Variants in DYNC1I1 observed in about 807,000 individuals in gnomAD.
DYNC1I1 encodes the protein cytoplasmic dynein 1 intermediate chain 1.
DYNC1I1 carries 43 observed loss-of-function variants against 86.6 expected under a neutral mutation model. That is an observed-to-expected ratio of 0.50 (90% confidence interval 0.39 to 0.64). The LOEUF is 0.64. Ranked by LOEUF, DYNC1I1 falls within the 30% of genes least tolerant of loss-of-function variation. DYNC1I1 has a pLI of 0.00. For synonymous variants in DYNC1I1, 262 were observed against 283.7 expected, an observed-to-expected ratio of 0.92 and a Z score of 0.77; for missense variants, 604 against 788.8, an observed-to-expected ratio of 0.77 and a Z score of 2.81.
chr7:95,973,715 T>C (rs1413702328), intron 6 of DYNC1I1, among the ~76,000 whole-genome samples: 4 of 152,294 alleles, frequency 2.6e-5, no homozygotes, highest in East Asian at 3.9e-4. Flanking sequence ...CGTAGTGGCA[T>C]TTTTGGTCAT....
At chr7:95,841,645 G>T (rs1214506832) in intron 5 of DYNC1I1, among the ~76,000 whole-genome samples, 2 of 152,142 alleles carry the variant, frequency 1.3e-5, no homozygotes, top group Admixed American at 6.5e-5. Context: ...AGAAGCTAAA[G>T]GTTTAGTTTC....
At chr7:95,948,624 T>A (rs950743471) in intron 6 of DYNC1I1, among the ~76,000 whole-genome samples, 1 of 152,142 alleles carries the variant, frequency 6.6e-6, no homozygotes, top group African/African-American at 2.4e-5. Flanking sequence ...TAGGTAGAAA[T>A]AATATCAAAG....
At chr7:95,978,563 G>A (rs967256637) in intron 7 of DYNC1I1, among the ~76,000 whole-genome samples, 9 of 152,192 alleles carry the variant, frequency 5.9e-5, no homozygotes, top group African/African-American at 2.2e-4. Context: ...ATTTCCTAAT[G>A]AGTGTCCCAA....
At chr7:95,889,122 A>G (rs188290091) in intron 6 of DYNC1I1, among the ~76,000 whole-genome samples, 3 of 152,330 alleles carry the variant, frequency 2.0e-5, no homozygotes, top group Admixed American at 2.0e-4. Context: ...AGTTAGCAGT[A>G]TATATATTCA....
intron 10 of DYNC1I1, among the ~76,000 whole-genome samples, chr7:96,014,960 G>C (rs1794366746): frequency 6.6e-6 from 1 of 151,946 alleles, no homozygotes; most frequent in Admixed American, 6.6e-5. Context: ...ATTATTCCTG[G>C]CTCCACAGGA....
intron 10 of DYNC1I1, among the ~76,000 whole-genome samples, chr7:96,027,501 A>G (rs1441350012): frequency 6.6e-6 from 1 of 152,168 alleles, no homozygotes; most frequent in African/African-American, 2.4e-5. Flanking sequence ...ACCATGGCAG[A>G]GCTGGACTGA....
intron 6 of DYNC1I1, among the ~76,000 whole-genome samples, chr7:95,936,607 A>G (rs551548680): frequency 6.6e-6 from 1 of 152,160 alleles, no homozygotes; most frequent in South Asian, 2.1e-4. Context: ...GAGTACTGTA[A>G]TTAGTACATT....
intron 16 of DYNC1I1, among the ~76,000 whole-genome samples, chr7:96,091,343 C>T (rs1176485495): frequency 6.6e-6 from 1 of 152,130 alleles, no homozygotes; most frequent in East Asian, 1.9e-4. Flanking sequence ...TGTCGTGTAT[C>T]TCTTGGAAAT....
intron 6 of DYNC1I1, among the ~76,000 whole-genome samples, chr7:95,942,295 A>G (rs984885677): frequency 6.6e-6 from 1 of 152,224 alleles, no homozygotes; most frequent in African/African-American, 2.4e-5. Context: ...GTTCCTCGAC[A>G]CATACAGCCT....
chr7:95,909,595 G>A (rs1040082555), intron 6 of DYNC1I1, among the ~76,000 whole-genome samples: 1 of 152,148 alleles, frequency 6.6e-6, no homozygotes, highest in African/African-American at 2.4e-5. Context: ...TGAGGGTGAA[G>A]CTGGAGTGAC....
intron 5 of DYNC1I1, among the ~76,000 whole-genome samples, chr7:95,829,687 GT>G (rs1795279419): frequency 6.6e-6 from 1 of 152,100 alleles, no homozygotes; most frequent in African/African-American, 2.4e-5. Flanking sequence ...AAAAACTCAT[GT>G]TGACTATGCA....
At chr7:95,869,789 T>G in intron 5 of DYNC1I1, 94 bp from the exon 6 acceptor site, 2 of 1,173,708 alleles carry the variant, frequency 1.7e-6, no homozygotes, top group Non-Finnish European at 2.5e-6. Flanking sequence ...AGGGTATTTG[T>G]GGTTTGTTTG....
intron 6 of DYNC1I1, among the ~76,000 whole-genome samples, chr7:95,891,881 G>A (rs1363568738): frequency 6.6e-6 from 1 of 152,116 alleles, no homozygotes. Context: ...TTCAGTGGGT[G>A]ACCCCCAATT....
intron 9 of DYNC1I1, among the ~76,000 whole-genome samples, chr7:95,994,970 A>T (rs1793822509): frequency 6.6e-6 from 1 of 152,130 alleles, no homozygotes; most frequent in Non-Finnish European, 1.5e-5. Flanking sequence ...TAAATGGGCC[A>T]GGCATGGTGG....
At chr7:95,999,210 C>A (rs1793951071) in intron 10 of DYNC1I1, among the ~76,000 whole-genome samples, 1 of 152,126 alleles carries the variant, frequency 6.6e-6, no homozygotes, top group Admixed American at 6.6e-5. Flanking sequence ...GCATTGCTTA[C>A]CCTGGTGTGG....
At position 95,995,993 on chromosome 7, in the gene DYNC1I1, C is replaced by A. The variant is rs760151211; in HGVS notation, c.889C>A (p.Pro297Thr). The change falls in exon 10 of 17, where the codon CCC (proline) becomes ACC (threonine). Residue 297 changes from proline (P) to threonine (T), a missense_variant. Coordinates refer to ENST00000447467, the MANE Select transcript of DYNC1I1 (RefSeq NM_001135556.2). Reference protein sequence around the residue: ...VASYNNNEDAPHEPDGVALVW... With the variant: ...VASYNNNEDATHEPDGVALVW... ...TTCTTACAACAACAATGAAGATGCT[C>A]CCCATGAACCAGATGGAGTGGCCTT... The A allele has an allele frequency of 5.0e-6, 8 of 1,611,954 alleles. No homozygotes were observed. Among genetic ancestry groups the A allele is most frequent in the Non-Finnish European group, 5.9e-6 (7 of 1,179,288 alleles).
At chr7:96,025,235 A>G (rs1032353826) in intron 10 of DYNC1I1, among the ~76,000 whole-genome samples, 1 of 152,162 alleles carries the variant, frequency 6.6e-6, no homozygotes, top group Non-Finnish European at 1.5e-5. Flanking sequence ...TACATGAATG[A>G]TAGTGCATAG....
intron 1 of DYNC1I1, among the ~76,000 whole-genome samples, chr7:95,785,390 G>A (rs1562891390): frequency 6.6e-6 from 1 of 152,082 alleles, no homozygotes; most frequent in African/African-American, 2.4e-5. Context: ...CTCCAGCCTG[G>A]GCGACACAGT....
At chr7:95,968,215 G>A (rs1743461681) in intron 6 of DYNC1I1, among the ~76,000 whole-genome samples, 1 of 151,902 alleles carries the variant, frequency 6.6e-6, no homozygotes, top group Admixed American at 6.6e-5. Context: ...GGGAAATGGA[G>A]AGAATAAAGG....
Sources: gnomAD v4.1 joint callset for allele counts (sites outside exome capture counted in the v4.1 genomes callset) on GRCh38, gnomAD v4.1.1 for gene constraint, MANE v1.5 for transcripts, NCBI Gene and HGNC (gene_info 2026-07-23, HGNC 2026-07-21) for gene names.